The following ZFYVE26 variants were observed in gnomAD, a reference collection of about 807,000 sequenced individuals.
The protein encoded by ZFYVE26 is zinc finger FYVE domain-containing protein 26.
A neutral mutation model predicts 276.5 loss-of-function variants in ZFYVE26; 181 were observed. The ratio of observed to expected loss-of-function variants is 0.65; its 90% CI spans 0.58 to 0.74. The LOEUF is 0.74. Ranked by LOEUF, ZFYVE26 falls within the 30% of genes least tolerant of loss-of-function variation. The pLI, the probability that ZFYVE26 is intolerant of heterozygous loss-of-function variation, is 0.00. For synonymous variants in ZFYVE26, 1,129 were observed against 1,203.1 expected (o/e 0.94, Z 1.27); for missense variants, 2,821 against 3,097.9 (o/e 0.91, Z 2.12).
chr14:67,793,453 G>C (rs1202831436), intron 14 of ZFYVE26, among the ~76,000 whole-genome samples, 155 bp downstream of exon 14: 1 of 151,958 alleles, frequency 6.6e-6, no homozygotes, highest in Non-Finnish European at 1.5e-5. Context: ...CCCTGCTGAA[G>C]ACTGGGCCTG....
chr14:67,814,206 T>C, intron 2 of ZFYVE26, 142 bp from the exon 3 acceptor site: 1 of 729,532 alleles, frequency 1.4e-6, no homozygotes, highest in Non-Finnish European at 2.4e-6. Flanking sequence ...TTTTTAAATG[T>C]ATATGACAGT....
intron 41 of ZFYVE26, among the ~76,000 whole-genome samples, chr14:67,749,470 C>T (rs2038578509): frequency 6.6e-6 from 1 of 152,124 alleles, no homozygotes; most frequent in Admixed American, 6.5e-5. Flanking sequence ...GCCCTGGTCT[C>T]CCCAGCACCC....
chr14:67,778,274 A>T (rs1346625594), intron 23 of ZFYVE26, 26 bp from the exon 24 acceptor site: 2 of 1,613,982 alleles, frequency 1.2e-6, no homozygotes, highest in Admixed American at 3.3e-5. Flanking sequence ...CATGCCTTCA[A>T]CCCCTTTACA....
rs369132612 is a variant in ZFYVE26 at position 67,787,737 on chromosome 14, G to T, written c.3020-1504C>A. Among the ~76,000 whole-genome samples, 72 of 152,316 alleles carry T rather than the reference G, an allele frequency of 4.7e-4. 2 individuals are homozygous for T. In the South Asian group the frequency reaches 0.015, roughly 31 times the overall value. On this transcript the variant is annotated intron_variant, in intron 16 of 41. Transcript: ENST00000347230. ...CAGATCACTGGACACAAACAGCATT[G>T]TATAAGCCACTGTGTACTTTCTTTG...
chr14:67,812,812 T>C (rs1054646499), intron 3 of ZFYVE26, among the ~76,000 whole-genome samples: 8 of 152,248 alleles, frequency 5.3e-5, no homozygotes, highest in African/African-American at 1.9e-4. Flanking sequence ...GATCCCTTAA[T>C]CAGTAACAAT....
Position 67,729,282 on chromosome 14 carries a change from C to T in ZFYVE26, n.3217G>A. 1 of 1,605,386 alleles carries T rather than the reference C, an allele frequency of 6.2e-7. No individual in the cohort carries two copies. Among genetic ancestry groups the T allele is most frequent in the Non-Finnish European group, 8.5e-7 (1 of 1,179,970 alleles). ...CCCTGCTCTGCCTGCTCTGGCGGCT[C>T]TTCTCCCCCTTTGTCAAGACGGCAC... On this transcript the variant is annotated non_coding_transcript_exon_variant, in exon 14 of 15. Coordinates refer to the ZFYVE26 transcript ENST00000394455.
chr14:67,746,001 T>G (rs1038963760), downstream of ZFYVE26, among the ~76,000 whole-genome samples: 7 of 137,708 alleles, frequency 5.1e-5, no homozygotes, highest in African/African-American at 1.9e-4. Context: ...CCCATCGGAC[T>G]AGCATAGATC....
At chr14:67,752,149 G>A (rs1049767685) in intron 40 of ZFYVE26, among the ~76,000 whole-genome samples, 195 bp downstream of exon 40, 3 of 152,200 alleles carry the variant, frequency 2.0e-5, no homozygotes, top group Non-Finnish European at 2.9e-5. Context: ...CACCTTCTGG[G>A]TATAGATGTC....
In ZFYVE26 at chr14:67,805,586, GTCT is replaced by G. The variant is rs758434974; in HGVS notation, c.1047_1049del (p.Glu349del). On this transcript the variant is annotated inframe_deletion, in exon 7 of 42. Coordinates refer to ENST00000347230, the MANE Select transcript of ZFYVE26 (RefSeq NM_015346.4). ...CAAGTAGGCAGCCAAGATTTGGGAA[GTCT>G]TCTTCTTTCAACAATGTTAGTGCTG... 3 of 1,614,112 alleles carry G rather than the reference GTCT, an allele frequency of 1.9e-6. No individual in the cohort carries two copies. Among genetic ancestry groups the G allele is most frequent in the South Asian group, 1.1e-5 (1 of 91,094 alleles).
intron 3 of ZFYVE26, 124 bp downstream of exon 3, chr14:67,813,862 T>A (rs2040348088): frequency 1.3e-6 from 1 of 758,174 alleles, no homozygotes; most frequent in East Asian, 2.7e-5. Flanking sequence ...TAAGCCATTC[T>A]TTGAGAATGA....
At chr14:67,814,754 A>C (rs371282299) in intron 2 of ZFYVE26, among the ~76,000 whole-genome samples, 5 of 152,342 alleles carry the variant, frequency 3.3e-5, no homozygotes, top group South Asian at 2.1e-4. Context: ...CTATATGCTA[A>C]AAACAGGACT....
chr14:67,750,261 C>A (rs1443549435), intron 41 of ZFYVE26, among the ~76,000 whole-genome samples: 3 of 152,110 alleles, frequency 2.0e-5, no homozygotes, highest in Non-Finnish European at 4.4e-5. Flanking sequence ...TCTCCTTAAC[C>A]CTGGAGACTG....
downstream of ZFYVE26, among the ~76,000 whole-genome samples, chr14:67,744,528 G>A (rs570085487): frequency 6.6e-6 from 1 of 152,206 alleles, no homozygotes; most frequent in African/African-American, 2.4e-5. Context: ...TTTAAGCCCT[G>A]CACGCATTAG....
Position 67,793,704 on chromosome 14 carries a change from G to A in ZFYVE26, c.2457C>T (p.Pro819=). 6.2e-7 allele frequency: 1 copy of A among 1,613,900 alleles called. No individual in the cohort carries two copies. Among genetic ancestry groups the A allele is most frequent in the African/African-American group, 1.3e-5 (1 of 74,992 alleles). Residue 819 remains proline, a synonymous_variant, in exon 14 of 42, where the codon CCC becomes CCT. Transcript: ENST00000347230. ...GRNELHSRLH[P]HPQSSLIPMM... ...TGGGGATGAGTGAACTTTGAGGATG[G>A]GGGTGCAATCTACTGTGCAGCTCAT...
intron 10 of ZFYVE26, 89 bp from the exon 11 acceptor site, chr14:67,798,711 T>C (rs2040014716): frequency 6.5e-7 from 1 of 1,531,264 alleles, no homozygotes; most frequent in East Asian, 2.3e-5. Flanking sequence ...CGTCAAACAT[T>C]CTCGCAACTT....
At position 67,783,493 on chromosome 14, in the gene ZFYVE26, C is replaced by G. The variant is rs768445267; in HGVS notation, c.3659G>C (p.Ser1220Thr). Residue 1220 changes from serine to threonine, a missense_variant, in exon 21 of 42, where the codon AGC (serine) becomes ACC (threonine). By Grantham distance (58) the Ser-to-Thr change is moderately conservative (BLOSUM62 1). Transcript: ENST00000347230. The stretch of plus-strand genomic sequence containing the variant: ...GACGATGACCTGTGGCACACTTAGG[C>G]TGAGATTCTCTTGGGCCAGAAGGGC... ...LAALLAQENLSLSVPQVIVSC... is the reference protein window; with the variant it reads ...LAALLAQENLTLSVPQVIVSC... 3.7e-6 allele frequency: 6 copies of G among 1,613,624 alleles called. No homozygotes were observed. The South Asian group carries it at 6.6e-5, about 18-fold the overall frequency.
intron 13 of ZFYVE26, among the ~76,000 whole-genome samples, chr14:67,735,926 T>A (rs896955751): frequency 3.3e-5 from 5 of 152,346 alleles, no homozygotes; most frequent in Non-Finnish European, 5.9e-5. Flanking sequence ...ACAGATTACC[T>A]TGGGTGGCAC....
chr14:67,797,838 G>T, intron 11 of ZFYVE26, 83 bp from the exon 12 acceptor site: 1 of 1,583,952 alleles, frequency 6.3e-7, no homozygotes, highest in Non-Finnish European at 8.6e-7. Flanking sequence ...GTTGGGGAAG[G>T]TTTGCACTGG....
intron 22 of ZFYVE26, 102 bp downstream of exon 22, chr14:67,781,231 C>A: frequency 7.1e-7 from 1 of 1,404,604 alleles, no homozygotes; most frequent in Non-Finnish European, 1.0e-6. Context: ...AAACCCAGAC[C>A]TATATTTTCT....
Sources: gnomAD v4.1 joint callset for allele counts (sites outside exome capture counted in the v4.1 genomes callset) on GRCh38, gnomAD v4.1.1 for gene constraint, MANE v1.5 for transcripts, NCBI Gene and HGNC (gene_info 2026-07-23, HGNC 2026-07-21) for gene names.